GPAT3: variants seen among roughly 807,000 people sequenced by gnomAD.
GPAT3 encodes the protein glycerol-3-phosphate acyltransferase 3.
In GPAT3, 53 loss-of-function variants were observed where a neutral mutation model predicts 58.8. The observed-to-expected ratio is 0.90, with a 90% CI of 0.72 to 1.13. The LOEUF is 1.13. Among genes scored for constraint, GPAT3 ranks in the 50% most tolerant of loss-of-function variants. GPAT3 has a pLI of 0.00. For missense variants in GPAT3, 511 were observed against 527.6 expected, an observed-to-expected ratio of 0.97 and a Z score of 0.31; for synonymous variants, 197 against 187.4, an observed-to-expected ratio of 1.05 and a Z score of -0.42.
chr4:83,560,313 G>T (rs2110081234), intron 2 of GPAT3, among the ~76,000 whole-genome samples: 1 of 152,322 alleles, frequency 6.6e-6, no homozygotes, highest in South Asian at 2.1e-4. Flanking sequence ...TCACCAGTTT[G>T]ATCCTCAGCG....
At chr4:83,592,057 C>T (rs1265131171) in intron 6 of GPAT3, among the ~76,000 whole-genome samples, 2 of 152,082 alleles carry the variant, frequency 1.3e-5, no homozygotes, top group Non-Finnish European at 2.9e-5. Flanking sequence ...CAGTATCTCT[C>T]GTTATGCCCC....
chr4:83,546,655 C>T (rs1230711718), intron 2 of GPAT3, among the ~76,000 whole-genome samples: 1 of 152,058 alleles, frequency 6.6e-6, no homozygotes, highest in African/African-American at 2.4e-5. Flanking sequence ...AATTGACTCT[C>T]ACAGTTATTG....
At chr4:83,566,844 G>A (rs1462896954) in intron 2 of GPAT3, among the ~76,000 whole-genome samples, 2 of 141,190 alleles carry the variant, frequency 1.4e-5, no homozygotes, top group South Asian at 4.4e-4. Flanking sequence ...CTTAAGAGAT[G>A]TTCTAAAATT....
chr4:83,541,796 T>TC (rs1724313620), intron 1 of GPAT3, among the ~76,000 whole-genome samples: 1 of 152,234 alleles, frequency 6.6e-6, no homozygotes, highest in Non-Finnish European at 1.5e-5. Context: ...TGTCAGCAGG[T>TC]TTAGCCTCAT....
chr4:83,555,006 G>A (rs1724898151), intron 2 of GPAT3, among the ~76,000 whole-genome samples: 1 of 152,036 alleles, frequency 6.6e-6, no homozygotes, highest in South Asian at 2.1e-4. Context: ...GTTTTGCCAT[G>A]TTGGCCAGGT....
intron 2 of GPAT3, among the ~76,000 whole-genome samples, chr4:83,578,933 C>CTT (rs1300929525): frequency 1.3e-4 from 1 of 7,968 alleles, no homozygotes; most frequent in Non-Finnish European, 2.4e-4. Flanking sequence ...TTCTTTCTTT[C>CTT]TTTCTTTTCT....
At chr4:83,602,582 A>G (rs764367247) in intron 11 of GPAT3, among the ~76,000 whole-genome samples, 1 of 144,510 alleles carries the variant, frequency 6.9e-6, no homozygotes, top group Non-Finnish European at 1.5e-5. Context: ...CTGCCATTGC[A>G]AAGGGGAATT....
At chr4:83,598,427 G>C in intron 10 of GPAT3, 2 of 692,146 alleles carry the variant, frequency 2.9e-6, no homozygotes, top group Non-Finnish European at 2.4e-6. Context: ...GACTAATAAA[G>C]AGCGTAATAA....
intron 2 of GPAT3, among the ~76,000 whole-genome samples, chr4:83,546,751 C>G (rs1724532006): frequency 6.6e-6 from 1 of 152,114 alleles, no homozygotes; most frequent in African/African-American, 2.4e-5. Flanking sequence ...GGACAGACCA[C>G]TGTGATAAAT....
In GPAT3 at chr4:83,604,829, T is replaced by C. The variant is rs1727198192; in HGVS notation, c.*62T>C. ...CTTAGAAATGGAATGGCTTTTTTTG[T>C]TTTGTTTTGTTTTATTGTTTTGTTT... On this transcript the variant is annotated 3_prime_UTR_variant, in exon 12 of 12. Transcript: ENST00000264409. 7.9e-7 allele frequency: 1 copy of C among 1,258,950 alleles called. No individual in the cohort carries two copies. Among genetic ancestry groups the C allele is most frequent in the African/African-American group, 1.5e-5 (1 of 66,126 alleles). The allele number at this position is 1,258,950 out of a possible 1,614,324, so 78.0% of individuals were successfully genotyped here.
chr4:83,546,642 G>A (rs1363228598), intron 2 of GPAT3, among the ~76,000 whole-genome samples: 1 of 152,000 alleles, frequency 6.6e-6, no homozygotes, highest in Non-Finnish European at 1.5e-5. Flanking sequence ...CTGTTAAATT[G>A]GAAATTGACT....
Position 83,598,093 on chromosome 4 carries a change from T to C in GPAT3, c.1039T>C (p.Tyr347His). ...TGATGCATTTTGGAACAGTAGTAAA[T>C]ACAACATGGTGAGCTACCTGCTTCG... ...FGDAFWNSSK[Y>H]NMVSYLLRMM... Residue 347 changes from tyrosine to histidine, a missense_variant, in exon 10 of 12, where the codon TAC becomes CAC. Physicochemically the swap from Tyr to His is moderately conservative, Grantham distance 83 (BLOSUM62 2). Coordinates refer to ENST00000264409, the MANE Select transcript of GPAT3 (RefSeq NM_032717.5). 6.2e-7 allele frequency: 1 copy of C among 1,613,666 alleles called. No individual in the cohort carries two copies. Among genetic ancestry groups the C allele is most frequent in the Non-Finnish European group, 8.5e-7 (1 of 1,179,898 alleles).
In GPAT3 at chr4:83,576,885, G is replaced by A. The variant is rs966117536; in HGVS notation, c.209-4677G>A. On this transcript the variant is annotated intron_variant, in intron 2 of 11. Transcript: ENST00000264409. ...TATCCATGGGGAGCAGGTTATTTAC[G>A]TAGTCTCAAAGTATCTCCCCTTTAT... Among the ~76,000 whole-genome samples the A allele has an allele frequency of 4.6e-5, 7 of 152,188 alleles. No homozygotes were observed. The East Asian group carries it at 5.8e-4, about 13-fold the overall frequency.
chr4:83,582,152 A>G (rs1726165474), intron 3 of GPAT3, among the ~76,000 whole-genome samples: 1 of 152,148 alleles, frequency 6.6e-6, no homozygotes. Context: ...GAAGAAGAAG[A>G]GAGATCATCA....
At chr4:83,596,807 T>C in intron 7 of GPAT3, 51 bp from the exon 8 acceptor site, 1 of 1,418,408 alleles carries the variant, frequency 7.1e-7, no homozygotes, top group Non-Finnish European at 9.9e-7. Context: ...AAAAAGGACA[T>C]CCACCTCTCT....
intron 2 of GPAT3, among the ~76,000 whole-genome samples, chr4:83,555,764 T>C (rs1724921048): frequency 6.6e-6 from 1 of 152,222 alleles, no homozygotes; most frequent in Admixed American, 6.5e-5. Flanking sequence ...AATTGGCACC[T>C]GAAGTGGAGG....
intron 10 of GPAT3, 82 bp downstream of exon 10, chr4:83,598,261 T>G (rs1726924854): frequency 1.3e-6 from 2 of 1,544,942 alleles, no homozygotes; most frequent in East Asian, 2.3e-5. Context: ...CCCTTCTCCA[T>G]GTCATGCTTT....
intron 7 of GPAT3, chr4:83,595,202 A>C (rs929779402): frequency 3.2e-6 from 1 of 312,050 alleles, no homozygotes; most frequent in African/African-American, 2.2e-5. Flanking sequence ...TGTGACTTAG[A>C]TATAGTCCAG....
chr4:83,566,873 C>A (rs1725414940), intron 2 of GPAT3, among the ~76,000 whole-genome samples: 1 of 150,768 alleles, frequency 6.6e-6, no homozygotes, highest in African/African-American at 2.4e-5. Flanking sequence ...ATAGGTATTG[C>A]ACATTTCCTC....
Sources: gnomAD v4.1 joint callset for allele counts (sites outside exome capture counted in the v4.1 genomes callset) on GRCh38, gnomAD v4.1.1 for gene constraint, MANE v1.5 for transcripts, NCBI Gene and HGNC (gene_info 2026-07-23, HGNC 2026-07-21) for gene names.